SLC2A13: variants seen among roughly 807,000 people sequenced by gnomAD.
SLC2A13 encodes solute carrier family 2 member 13.
In SLC2A13, 32 loss-of-function variants were observed where a neutral mutation model predicts 64.4. The observed-to-expected ratio is 0.50, with a 90% CI of 0.37 to 0.67. SLC2A13 has a LOEUF of 0.67. SLC2A13 is among the 30% of genes least tolerant of loss of function. The pLI is 0.00. For synonymous variants in SLC2A13, 338 were observed against 327.1 expected (o/e 1.03, Z -0.36); for missense variants, 743 against 829.2 (o/e 0.90, Z 1.28).
At position 40,105,984 on chromosome 12, in the gene SLC2A13, T is replaced by C; in HGVS notation, c.-176A>G. On this transcript the variant is annotated 5_prime_UTR_variant, in exon 1 of 10. Transcript: ENST00000280871. The surrounding 1 kb of genome is among the most constrained non-coding windows in gnomAD (Gnocchi z 4.2). ...GCCACGGCCGCTCCGGGGAGAAAGT[T>C]GCTGCCCGCCGCGCTCCGACGCTGC... 4 of 714,940 alleles carry C rather than the reference T, an allele frequency of 5.6e-6. No individual in the cohort carries two copies. The highest frequency in any genetic ancestry group is 7.9e-6 in the Non-Finnish European group (4 of 503,576). 44.3% of individuals were successfully genotyped at this position (714,940 alleles called of 1,614,324 possible).
intron 3 of SLC2A13, among the ~76,000 whole-genome samples, chr12:39,968,618 A>T (rs1410065471): frequency 6.6e-6 from 1 of 151,570 alleles, no homozygotes; most frequent in Non-Finnish European, 1.5e-5. Context: ...CTGCCAATCA[A>T]TCCCTCTATC....
intron 6 of SLC2A13, among the ~76,000 whole-genome samples, chr12:39,844,974 C>G (rs1943268607): frequency 6.6e-6 from 1 of 151,824 alleles, no homozygotes; most frequent in African/African-American, 2.4e-5. Flanking sequence ...AAATTCATGA[C>G]TTTTAAAATA....
intron 7 of SLC2A13, among the ~76,000 whole-genome samples, chr12:39,829,080 TAAGAG>T (rs144398644): frequency 0.053 from 8,101 of 152,160 alleles, 338 homozygotes; most frequent in Admixed American, 0.076. Context: ...GTAGACAAGA[TAAGAG>T]AATATTCTTT....
chr12:39,978,752 G>C (rs574629548), intron 3 of SLC2A13, among the ~76,000 whole-genome samples: 1 of 152,248 alleles, frequency 6.6e-6, no homozygotes, highest in African/African-American at 2.4e-5. Context: ...GGGGAGAGGC[G>C]CCCGCCATTG....
chr12:39,873,188 A>G (rs773853124), intron 4 of SLC2A13, among the ~76,000 whole-genome samples: 72 of 152,214 alleles, frequency 4.7e-4, no homozygotes, highest in Non-Finnish European at 3.5e-4. Flanking sequence ...TTAACTATGT[A>G]GCATGAAGGA....
chr12:40,076,391 A>G (rs1308314783), intron 1 of SLC2A13, among the ~76,000 whole-genome samples: 1 of 152,154 alleles, frequency 6.6e-6, no homozygotes, highest in Non-Finnish European at 1.5e-5. Flanking sequence ...GCTCTTACTT[A>G]TAAGTGAGAA....
chr12:40,007,460 A>G (rs1049981855), intron 3 of SLC2A13, among the ~76,000 whole-genome samples: 1 of 151,832 alleles, frequency 6.6e-6, no homozygotes, highest in Non-Finnish European at 1.5e-5. Context: ...CCACCAAACT[A>G]TTTTATTTAC....
rs1365517286 is a variant in SLC2A13 at position 39,864,123 on chromosome 12, T to C, written c.1319+639A>G. ...GTCCAATCACTCAAAGTTTCATTTA[T>C]GTGTTCTCAGTCCATCTATCCATTT... On this transcript the variant is annotated intron_variant, in intron 6 of 9. Transcript: ENST00000280871. 1.4e-4 allele frequency among the ~76,000 whole-genome samples: 21 copies of C among 152,228 alleles called. 1 individual carries two copies. Among genetic ancestry groups the C allele is most frequent in the Admixed American group, 1.4e-3 (21 of 15,282 alleles).
chr12:39,951,268 A>G lies in SLC2A13; in HGVS notation c.1023T>C (p.Ile341=), dbSNP rs752783879. 10 of 1,613,412 alleles carry G rather than the reference A, an allele frequency of 6.2e-6. No individual in the cohort carries two copies. The highest frequency in any genetic ancestry group is 8.5e-6 in the Non-Finnish European group (10 of 1,179,606). The stretch of plus-strand genomic sequence containing the variant: ...AAAGAAATACATACATGATGGTGTT[A>G]ATGCCTGAGAGCTGCTGGAACATTT... The part of the protein sequence containing the change: ...GLQMFQQLSG[I]NTIMYYSATI... Residue 341 remains isoleucine (I), a synonymous_variant, in exon 4 of 10, where the codon ATT becomes ATC. Coordinates refer to ENST00000280871, the MANE Select transcript of SLC2A13 (RefSeq NM_052885.4).
chr12:39,901,341 G>T (rs10877752), intron 4 of SLC2A13, among the ~76,000 whole-genome samples: 63,089 of 150,624 alleles, frequency 0.42, 13,589 homozygotes, highest in East Asian at 0.76. Flanking sequence ...ATTGACAAAT[G>T]GGATCTAATT....
intron 3 of SLC2A13, among the ~76,000 whole-genome samples, chr12:39,959,040 AAAG>A (rs1727171645): frequency 6.6e-6 from 1 of 152,170 alleles, no homozygotes; most frequent in Admixed American, 6.5e-5. Context: ...ATAAGGAATA[AAAG>A]AAGGAAAGAA....
intron 1 of SLC2A13, among the ~76,000 whole-genome samples, chr12:40,074,892 T>C (rs1938109232): frequency 6.6e-6 from 1 of 152,188 alleles, no homozygotes; most frequent in Non-Finnish European, 1.5e-5. Flanking sequence ...TCACAAGTGC[T>C]TCTCAGTTCT....
At chr12:40,011,624 C>T (rs1040168753) in intron 3 of SLC2A13, among the ~76,000 whole-genome samples, 17 of 152,108 alleles carry the variant, frequency 1.1e-4, no homozygotes, top group African/African-American at 3.6e-4. Flanking sequence ...CCCAATAGGT[C>T]GTTTTTCAAC....
At chr12:39,991,916 G>A (rs932419905) in intron 3 of SLC2A13, among the ~76,000 whole-genome samples, 1 of 152,086 alleles carries the variant, frequency 6.6e-6, no homozygotes, top group African/African-American at 2.4e-5. Flanking sequence ...TCCTGATTTG[G>A]TGAGCCTGAA....
chr12:40,097,511 AC>A (rs1938991097), intron 1 of SLC2A13, among the ~76,000 whole-genome samples: 1 of 152,236 alleles, frequency 6.6e-6, no homozygotes, highest in Non-Finnish European at 1.5e-5. Flanking sequence ...AGGAACTTCT[AC>A]AACTCAATAG....
intron 1 of SLC2A13, among the ~76,000 whole-genome samples, chr12:40,053,569 TA>T (rs1406879632): frequency 6.6e-6 from 1 of 152,146 alleles, no homozygotes; most frequent in Non-Finnish European, 1.5e-5. Flanking sequence ...CATAAACTTC[TA>T]GGGGCAAAAG....
chr12:39,993,709 A>ATAGGTCATGAGCCATTAAT (rs1354665638), intron 3 of SLC2A13, among the ~76,000 whole-genome samples: 1 of 152,216 alleles, frequency 6.6e-6, no homozygotes, highest in Non-Finnish European at 1.5e-5. Context: ...TGCTTATTTA[A>ATAGGTCATGAGCCATTAAT]TAGGTCATGA....
chr12:40,045,159 A>C (rs1948152204), intron 2 of SLC2A13, among the ~76,000 whole-genome samples: 1 of 152,188 alleles, frequency 6.6e-6, no homozygotes, highest in Non-Finnish European at 1.5e-5. Flanking sequence ...TTGTAGTATA[A>C]AATTTAATAT....
At chr12:39,887,236 T>C (rs1478029699) in intron 4 of SLC2A13, among the ~76,000 whole-genome samples, 2 of 152,228 alleles carry the variant, frequency 1.3e-5, no homozygotes, top group Non-Finnish European at 2.9e-5. Context: ...TTGTCACTAG[T>C]AGTGAAATTC....
Sources: allele counts gnomAD v4.1 joint callset (sites outside exome capture counted in the v4.1 genomes callset), GRCh38; gene constraint gnomAD v4.1.1; non-coding constraint Gnocchi (gnomAD v3.1); transcripts MANE v1.5; gene names NCBI Gene and HGNC (gene_info 2026-07-23, HGNC 2026-07-21).